Variants in CCDC47 observed in about 807,000 individuals in gnomAD.
The protein encoded by CCDC47 is coiled-coil domain containing 47.
In CCDC47, 41 loss-of-function variants were observed where a neutral mutation model predicts 60.5. The ratio of observed to expected loss-of-function variants is 0.68; its 90% confidence interval spans 0.53 to 0.88. The LOEUF (loss-of-function observed/expected upper bound fraction) is 0.88, where lower values mean the gene tolerates loss of function less well. Ranked by LOEUF, CCDC47 falls within the 40% of genes least tolerant of loss-of-function variation. The pLI is 0.00. For synonymous variants in CCDC47, 195 were observed against 190.7 expected (o/e 1.02, Z -0.18); for missense variants, 513 against 580.9 (o/e 0.88, Z 1.20).
At chr17:63,762,595 G>C (rs1303696065) in intron 4 of CCDC47, among the ~76,000 whole-genome samples, 3 of 152,154 alleles carry the variant, frequency 2.0e-5, no homozygotes, top group African/African-American at 7.2e-5. Flanking sequence ...GAGAAATAAG[G>C]TGCTAAATGC....
chr17:63,754,470 A>G lies in CCDC47; in HGVS notation c.997T>C (p.Phe333Leu). 4 of 1,609,754 alleles carry G rather than the reference A, an allele frequency of 2.5e-6. No individual in the cohort carries two copies. The highest frequency in any genetic ancestry group is 3.4e-6 in the Non-Finnish European group (4 of 1,177,520). The change falls in exon 9 of 13, where the codon TTT (phenylalanine) becomes CTT (leucine). Residue 333 changes from phenylalanine to leucine, a missense_variant. Coordinates refer to ENST00000225726, the MANE Select transcript of CCDC47 (RefSeq NM_020198.3). ...HYADKIESVH[F>L]SDQFSGPKIM... ...TTTGGACCAGAGAACTGGTCTGAAA[A>G]ATGAACAGATTCAATCTTGTCAGCA...
chr17:63,756,553 C>T lies in CCDC47; in HGVS notation c.753G>A (p.Met251Ile). The change falls in exon 7 of 13, where the codon ATG (methionine) becomes ATA (isoleucine). Residue 251 changes from methionine (M) to isoleucine (I), a missense_variant. Met to Ile is a conservative substitution (Grantham distance 10). Coordinates refer to ENST00000225726, the MANE Select transcript of CCDC47 (RefSeq NM_020198.3). ...CGTAGGTATCCATGTCTTCATCATT[C>T]ATGGTTACTTTTATTTGCTTTTAAA... ...VSDQVQIKVT[M>I]NDEDMDTYVF... 3 of 1,613,218 alleles carry T rather than the reference C, an allele frequency of 1.9e-6. No individual in the cohort carries two copies. Among genetic ancestry groups the T allele is most frequent in the East Asian group, 4.5e-5 (2 of 44,876 alleles).
chr17:63,770,274 A>C (rs1568252863), intron 1 of CCDC47, among the ~76,000 whole-genome samples: 1 of 151,466 alleles, frequency 6.6e-6, no homozygotes, highest in Non-Finnish European at 1.5e-5. Context: ...TGCCCGGACT[A>C]ATTTTTTTTT....
chr17:63,764,257 G>A, intron 3 of CCDC47, 67 bp from the exon 4 acceptor site: 1 of 1,179,750 alleles, frequency 8.5e-7, no homozygotes, highest in Non-Finnish European at 1.2e-6. Context: ...CCTCATGGCA[G>A]GAAGAATGAG....
At position 63,752,351 on chromosome 17, in the gene CCDC47, T is replaced by C; in HGVS notation, c.1172A>G (p.Asp391Gly). Residue 391 changes from aspartate to glycine, a missense_variant, in exon 11 of 13, where the codon GAT (aspartate) becomes GGT (glycine). Asp to Gly is a moderately conservative substitution (Grantham distance 94). Coordinates refer to ENST00000225726, the MANE Select transcript of CCDC47 (RefSeq NM_020198.3). ...PLMNMVIYSI[D>G]KAKKFRLNRE... ...GTTGAGTCGGAACTTTTTGGCTTTATCAATAGAATAAATCACCATGTTCAT... is the reference window on the plus strand; with the variant it reads ...GTTGAGTCGGAACTTTTTGGCTTTACCAATAGAATAAATCACCATGTTCAT... 6.2e-7 allele frequency: 1 copy of C among 1,613,922 alleles called. No homozygotes were observed. The highest frequency in any genetic ancestry group is 8.5e-7 in the Non-Finnish European group (1 of 1,179,836).
intron 4 of CCDC47, among the ~76,000 whole-genome samples, chr17:63,763,080 G>A (rs916048618): frequency 6.6e-6 from 1 of 152,014 alleles, no homozygotes; most frequent in Non-Finnish European, 1.5e-5. Context: ...ACTGTGACTG[G>A]CCAATTTTTA....
At chr17:63,747,263 C>T in intron 12 of CCDC47, 1 of 984,670 alleles carries the variant, frequency 1.0e-6, no homozygotes, top group African/African-American at 1.7e-5. Flanking sequence ...TTTTCTGTAC[C>T]CAGGGAACAC....
chr17:63,764,700 TTTG>T (rs761024072), intron 3 of CCDC47, 37 bp downstream of exon 3: 5 of 1,540,172 alleles, frequency 3.2e-6, no homozygotes, highest in Non-Finnish European at 4.5e-6. Flanking sequence ...GACAAGACAT[TTTG>T]TTGTTTAGTT....
intron 1 of CCDC47, among the ~76,000 whole-genome samples, chr17:63,772,445 G>T (rs547129914): frequency 5.9e-5 from 9 of 152,008 alleles, no homozygotes; most frequent in African/African-American, 2.2e-4. Flanking sequence ...AGTAGAGACG[G>T]GGTTTCACTG....
At chr17:63,751,056 T>A (rs1182264020) in intron 12 of CCDC47, among the ~76,000 whole-genome samples, 3 of 137,522 alleles carry the variant, frequency 2.2e-5, no homozygotes, top group African/African-American at 8.3e-5. Flanking sequence ...TTTTTTTTTT[T>A]ACTAGTAGAG....
chr17:63,748,733 C>T (rs1568244976), intron 12 of CCDC47, among the ~76,000 whole-genome samples: 3 of 151,836 alleles, frequency 2.0e-5, no homozygotes, highest in African/African-American at 7.3e-5. Context: ...AGTTCGAGAC[C>T]AGCCTGGCTA....
At chr17:63,753,848 T>A (rs1388434594) in intron 9 of CCDC47, among the ~76,000 whole-genome samples, 1 of 152,050 alleles carries the variant, frequency 6.6e-6, no homozygotes, top group Non-Finnish European at 1.5e-5. Flanking sequence ...TGGCTCACGC[T>A]TATAATTCCA....
intron 6 of CCDC47, among the ~76,000 whole-genome samples, chr17:63,757,923 A>C (rs771292983): frequency 3.9e-5 from 6 of 152,152 alleles, no homozygotes; most frequent in Admixed American, 1.3e-4. Flanking sequence ...AAGTGCTTAG[A>C]GGGTAGAGAC....
At chr17:63,768,733 A>T (rs1274131649) in intron 1 of CCDC47, among the ~76,000 whole-genome samples, 1 of 151,622 alleles carries the variant, frequency 6.6e-6, no homozygotes, top group Non-Finnish European at 1.5e-5. Flanking sequence ...CCAAGTAATT[A>T]AAAAAAAATT....
intron 12 of CCDC47, 40 bp from the exon 13 acceptor site, chr17:63,747,001 G>T: frequency 6.2e-7 from 1 of 1,602,820 alleles, no homozygotes; most frequent in Non-Finnish European, 8.5e-7. Context: ...AAGGGAGTGG[G>T]GACGAGAGAA....
In CCDC47 at chr17:63,764,078, C is replaced by T. The variant is rs141450801; in HGVS notation, c.485G>A (p.Arg162His). ...NYIIGKNKNS[R>H]LAQAWFNTHR... ...AGTGTTAAACCAGGCCTGTGCAAGG[C>T]GACTGTTTTTATTCTTCCCAATGAT... is the stretch of plus-strand genomic sequence containing the variant. The change falls in exon 4 of 13, where the codon CGC becomes CAC. Residue 162 changes from arginine (R) to histidine (H), a missense_variant. Physicochemically the swap from Arg to His is conservative, Grantham distance 29. Transcript: ENST00000225726. 1.4e-5 allele frequency: 23 copies of T among 1,613,268 alleles called. No individual in the cohort carries two copies. Among genetic ancestry groups the T allele is most frequent in the Middle Eastern group, 1.6e-4 (1 of 6,082 alleles).
At position 63,772,616 on chromosome 17, in the gene CCDC47, G is replaced by A. The variant is rs189502047; in HGVS notation, c.-20+796C>T. On this transcript the variant is annotated intron_variant, in intron 1 of 12. Coordinates refer to ENST00000225726, the MANE Select transcript of CCDC47 (RefSeq NM_020198.3). ...TAGAAGCAACTAAAAGTTAACACCG[G>A]AACAGTCAACTCGATTAACAGCCTG... Among the ~76,000 whole-genome samples, 808 of 152,036 alleles carry A rather than the reference G, an allele frequency of 5.3e-3. 5 individuals are homozygous for A. The highest frequency in any genetic ancestry group is 0.018 in the African/African-American group (737 of 41,426).
intron 4 of CCDC47, among the ~76,000 whole-genome samples, chr17:63,762,789 A>G (rs1453875700): frequency 6.6e-6 from 1 of 152,258 alleles, no homozygotes; most frequent in African/African-American, 2.4e-5. Context: ...AAGCTACCTA[A>G]AATGTCAAAC....
At chr17:63,765,699 C>G in intron 2 of CCDC47, 1 of 1,376,464 alleles carries the variant, frequency 7.3e-7, no homozygotes. Context: ...TCTCTAACCC[C>G]TCTTCCAGTC....
Sources: gnomAD v4.1 joint callset for allele counts (sites outside exome capture counted in the v4.1 genomes callset) on GRCh38, gnomAD v4.1.1 for gene constraint, MANE v1.5 for transcripts, NCBI Gene and HGNC (gene_info 2026-07-23, HGNC 2026-07-21) for gene names.